DLG2: variants seen among roughly 807,000 people sequenced by gnomAD.
The protein encoded by DLG2 is discs large MAGUK scaffold protein 2, also known as disks large homolog 2.
A neutral mutation model predicts 132.5 loss-of-function variants in DLG2; 45 were observed. The ratio of observed to expected loss-of-function variants is 0.34; its 90% confidence interval spans 0.27 to 0.44. The LOEUF is 0.44. DLG2 is among the 20% of genes least tolerant of loss of function. The pLI, the probability that DLG2 is intolerant of heterozygous loss-of-function variation, is 1.00. For synonymous variants in DLG2, 424 were observed against 419.6 expected (o/e 1.01, Z -0.13); for missense variants, 1,045 against 1,196.9 (o/e 0.87, Z 1.87).
chr11:84,596,370 G>A (rs1476536982), intron 6 of DLG2, among the ~76,000 whole-genome samples: 1 of 149,152 alleles, frequency 6.7e-6, no homozygotes, highest in African/African-American at 2.5e-5. Context: ...ACCATGCCCA[G>A]ATAATTTTCT....
At chr11:84,794,132 AT>A in intron 6 of DLG2, among the ~76,000 whole-genome samples, 1 of 152,222 alleles carries the variant, frequency 6.6e-6, no homozygotes, top group Non-Finnish European at 1.5e-5. Context: ...TCGTATGATA[AT>A]TTATCACTGA....
At chr11:83,796,894 C>A (rs974952917) in intron 17 of DLG2, among the ~76,000 whole-genome samples, 7 of 152,040 alleles carry the variant, frequency 4.6e-5, no homozygotes, top group Non-Finnish European at 1.0e-4. Flanking sequence ...AAATGCTGGG[C>A]GGTAAGTGCT....
At chr11:84,530,977 C>T (rs2099337327) in intron 7 of DLG2, among the ~76,000 whole-genome samples, 1 of 151,934 alleles carries the variant, frequency 6.6e-6, no homozygotes, top group South Asian at 2.1e-4. Flanking sequence ...GGGAGGATCA[C>T]GAGGTCAGGA....
chr11:84,642,840 CAA>C (rs71728083), intron 6 of DLG2, among the ~76,000 whole-genome samples: 24,575 of 152,030 alleles, frequency 0.16, 2,585 homozygotes, highest in African/African-American at 0.3. Flanking sequence ...AAAGAAAAGA[CAA>C]AGTCTTTTAT....
chr11:83,578,190 A>T (rs1355330177), intron 19 of DLG2, among the ~76,000 whole-genome samples: 2 of 151,220 alleles, frequency 1.3e-5, no homozygotes, highest in African/African-American at 4.8e-5. Flanking sequence ...TATAATATTG[A>T]TAGTAATGCT....
chr11:84,486,602 A>ACAC (rs138828521), intron 7 of DLG2, among the ~76,000 whole-genome samples: 2,402 of 152,232 alleles, frequency 0.016, 52 homozygotes, highest in African/African-American at 0.054. Flanking sequence ...GCCTCAAATG[A>ACAC]CACTTTTTAC....
intron 3 of DLG2, among the ~76,000 whole-genome samples, chr11:85,513,332 G>T (rs2094114492): frequency 1.3e-5 from 2 of 151,922 alleles, no homozygotes; most frequent in South Asian, 2.1e-4. Flanking sequence ...TGTACCCTCT[G>T]AATCTAAAGA....
intron 6 of DLG2, among the ~76,000 whole-genome samples, chr11:84,945,869 A>G (rs1215387119): frequency 6.6e-6 from 1 of 152,036 alleles, no homozygotes; most frequent in African/African-American, 2.4e-5. Flanking sequence ...GAACCTGAAG[A>G]AGCCACTTGG....
At chr11:84,715,481 T>G (rs2061112795) in intron 6 of DLG2, among the ~76,000 whole-genome samples, 1 of 152,044 alleles carries the variant, frequency 6.6e-6, no homozygotes, top group African/African-American at 2.4e-5. Context: ...ATCTCTAGGT[T>G]TATTCATTCC....
At chr11:85,112,300 C>A (rs1349225387) in intron 5 of DLG2, among the ~76,000 whole-genome samples, 1 of 152,080 alleles carries the variant, frequency 6.6e-6, no homozygotes, top group Non-Finnish European at 1.5e-5. Context: ...ATTTGACATT[C>A]TAAACCATTT....
chr11:84,034,129 T>C (rs1268273036), intron 11 of DLG2, among the ~76,000 whole-genome samples: 1 of 151,762 alleles, frequency 6.6e-6, no homozygotes, highest in Non-Finnish European at 1.5e-5. Flanking sequence ...AAATTTACCA[T>C]AGCCACCCCA....
intron 6 of DLG2, among the ~76,000 whole-genome samples, chr11:84,535,903 T>A (rs2099354298): frequency 6.6e-6 from 1 of 151,548 alleles, no homozygotes; most frequent in Non-Finnish European, 1.5e-5. Flanking sequence ...ATGTCTAACT[T>A]CTTCCCAGTG....
At chr11:84,502,506 G>C (rs142389895) in intron 7 of DLG2, among the ~76,000 whole-genome samples, 24 of 149,624 alleles carry the variant, frequency 1.6e-4, no homozygotes, top group Admixed American at 4.1e-4. Flanking sequence ...AGCGATTCTC[G>C]TTATTCAGCT....
chr11:84,198,241 A>G (rs2096548047), intron 8 of DLG2, among the ~76,000 whole-genome samples: 1 of 152,150 alleles, frequency 6.6e-6, no homozygotes, highest in Non-Finnish European at 1.5e-5. Flanking sequence ...GAGAGTGTAT[A>G]TTAATCCCTG....
chr11:83,588,345 A>G (rs905481426), intron 19 of DLG2, among the ~76,000 whole-genome samples: 12 of 151,720 alleles, frequency 7.9e-5, no homozygotes, highest in Non-Finnish European at 1.6e-4. Flanking sequence ...CGAGCAGCCT[A>G]ACTGGGAGGC....
At chr11:85,580,550 G>C (rs2078444006) in intron 3 of DLG2, among the ~76,000 whole-genome samples, 1 of 152,212 alleles carries the variant, frequency 6.6e-6, no homozygotes, top group Admixed American at 6.5e-5. Flanking sequence ...GGCACAGTGA[G>C]AAATGCAATA....
At chr11:84,660,757 T>A (rs1013088602) in intron 6 of DLG2, among the ~76,000 whole-genome samples, 1 of 152,158 alleles carries the variant, frequency 6.6e-6, no homozygotes, top group Admixed American at 6.6e-5. Flanking sequence ...AATATACACA[T>A]TGACCCAAGC....
At chr11:83,535,838 G>T (rs1174484661) in intron 20 of DLG2, among the ~76,000 whole-genome samples, 1 of 151,968 alleles carries the variant, frequency 6.6e-6, no homozygotes, top group Non-Finnish European at 1.5e-5. Flanking sequence ...ATCTCATTTG[G>T]TCCCCACAAC....
intron 6 of DLG2, among the ~76,000 whole-genome samples, chr11:84,644,004 T>C (rs1248963587): frequency 6.6e-6 from 1 of 152,212 alleles, no homozygotes; most frequent in Non-Finnish European, 1.5e-5. Flanking sequence ...GTCAGTATCT[T>C]GCCCAGAGAT....
Sources: allele counts gnomAD v4.1 joint callset (sites outside exome capture counted in the v4.1 genomes callset), GRCh38; gene constraint gnomAD v4.1.1; transcripts MANE v1.5; gene names NCBI Gene and HGNC (gene_info 2026-07-23, HGNC 2026-07-21).